Variants in TUT4 observed in about 807,000 individuals in gnomAD.
TUT4 encodes the protein terminal uridylyl transferase 4.
TUT4 carries 36 observed loss-of-function variants against 192.2 expected under a neutral mutation model. The observed-to-expected ratio is 0.19, with a 90% CI of 0.14 to 0.25. The LOEUF (loss-of-function observed/expected upper bound fraction) is 0.25. Among genes scored for constraint, TUT4 ranks in the 10% least tolerant of loss-of-function variants. The pLI, the probability that TUT4 is intolerant of heterozygous loss-of-function variation, is 1.00. For missense variants in TUT4, 1,493 were observed against 1,957.2 expected (o/e 0.76, Z 4.47); for synonymous variants, 618 against 666.0 (o/e 0.93, Z 1.11).
In TUT4 at chr1:52,444,973, ATATG is replaced by A. The variant is rs983963058; in HGVS notation, c.3822+810_3822+813del. Among the ~76,000 whole-genome samples, 1,397 of 149,688 alleles carry A rather than the reference ATATG, an allele frequency of 9.3e-3. 17 individuals are homozygous for A. The highest frequency in any genetic ancestry group is 0.033 in the African/African-American group (1,336 of 40,542). On this transcript the variant is annotated intron_variant, in intron 24 of 29. Coordinates refer to ENST00000257177, the MANE Select transcript of TUT4 (RefSeq NM_001009881.3). The stretch of plus-strand genomic sequence containing the variant: ...TGTGTATATACATGTATATACATGT[ATATG>A]TGTGTATATATATGTATATACATGT...
intron 24 of TUT4, among the ~76,000 whole-genome samples, chr1:52,438,741 C>T (rs1036903228): frequency 6.6e-6 from 1 of 152,130 alleles, no homozygotes; most frequent in Admixed American, 6.5e-5. Flanking sequence ...TCTGCTATAT[C>T]GGGCTACTTC....
intron 3 of TUT4, among the ~76,000 whole-genome samples, chr1:52,510,201 A>G (rs967597665): frequency 6.6e-6 from 1 of 151,182 alleles, no homozygotes; most frequent in African/African-American, 2.4e-5. Context: ...AATCCCAGCT[A>G]CTCTGGTGGC....
Position 52,481,651 on chromosome 1 carries a change from T to C in TUT4, c.1636-16A>G. On this transcript the variant is annotated splice_polypyrimidine_tract_variant and intron_variant, in intron 10 of 29. Transcript: ENST00000257177. Reference sequence around the variant, plus strand: ...AGCCTTCAATCTATATAAAAAGGCATTCCAAATTGGTAGTGGAAAAATTAT... The same window carrying C: ...AGCCTTCAATCTATATAAAAAGGCACTCCAAATTGGTAGTGGAAAAATTAT... The C allele has an allele frequency of 6.4e-7, 1 of 1,571,920 alleles. No homozygotes were observed.
intron 2 of TUT4, among the ~76,000 whole-genome samples, chr1:52,518,543 C>T (rs1323827654): frequency 6.6e-6 from 1 of 152,138 alleles, no homozygotes; most frequent in Non-Finnish European, 1.5e-5. Flanking sequence ...CACCTCAAAG[C>T]CCTGTTTCCA....
intron 20 of TUT4, among the ~76,000 whole-genome samples, chr1:52,455,630 A>AAAGG (rs1557703413): frequency 1.0e-5 from 1 of 96,638 alleles, no homozygotes; most frequent in Non-Finnish European, 1.9e-5. Context: ...AAAAAAAAAA[A>AAAGG]GACGGGGGAG....
chr1:52,505,370 G>A (rs940452711), intron 4 of TUT4, among the ~76,000 whole-genome samples: 5 of 147,604 alleles, frequency 3.4e-5, no homozygotes, highest in African/African-American at 1.3e-4. Flanking sequence ...CTTTGTAGAT[G>A]TCTTTATCAT....
intron 1 of TUT4, among the ~76,000 whole-genome samples, chr1:52,532,502 G>A (rs557403277): frequency 4.8e-4 from 73 of 151,920 alleles, no homozygotes; most frequent in African/African-American, 1.4e-3. Context: ...TATGGAGACA[G>A]GGTCTCACCA....
At position 52,472,101 on chromosome 1, in the gene TUT4, G is replaced by A. The variant is rs1304966111; in HGVS notation, c.2729C>T (p.Pro910Leu). Residue 910 changes from proline (P) to leucine (L), a missense_variant and splice_region_variant, in exon 14 of 30, where the codon CCA becomes CTA. Around this residue, in one of 7 missense-constraint regions of TUT4, gnomAD observed 59 missense variants for 114.3 expected, o/e 0.52. Transcript: ENST00000257177. Reference protein sequence around the residue: ...FDKFILTSGKPPTIVCSICKK... With the variant: ...FDKFILTSGKLPTIVCSICKK... ...GCAGATGCTGCATACTATCGTTGGTGGCTACACAAAGATAAAAAGAAATCT... is the reference window on the plus strand; with the variant it reads ...GCAGATGCTGCATACTATCGTTGGTAGCTACACAAAGATAAAAAGAAATCT... The A allele has an allele frequency of 1.2e-6, 2 of 1,612,058 alleles. No homozygotes were observed. Among genetic ancestry groups the A allele is most frequent in the Admixed American group, 3.3e-5 (2 of 59,760 alleles).
At chr1:52,521,047 G>C (rs1433183642) in intron 2 of TUT4, among the ~76,000 whole-genome samples, 1 of 152,050 alleles carries the variant, frequency 6.6e-6, no homozygotes, top group Admixed American at 6.6e-5. Flanking sequence ...GCCTGCCTCG[G>C]CCTCCCAAAG....
At chr1:52,426,005 CG>C (rs1474224624) in intron 28 of TUT4, among the ~76,000 whole-genome samples, 1 of 152,002 alleles carries the variant, frequency 6.6e-6, no homozygotes, top group African/African-American at 2.4e-5. Flanking sequence ...AGAGAAAAGG[CG>C]GGACAGGTAG....
At chr1:52,528,022 C>G (rs1682286202) in intron 1 of TUT4, among the ~76,000 whole-genome samples, 1 of 151,298 alleles carries the variant, frequency 6.6e-6, no homozygotes, top group Non-Finnish European at 1.5e-5. Context: ...ACTAAAAATA[C>G]AAAAATTAGC....
rs1428608989 is a variant in TUT4, at chr1:52,423,394, T to C, written c.*541A>G. ...ACAAGTATGGAAAAGAAAAAAAATC[T>C]GAATCTTCATGTTGTAATTTTATTT... On this transcript the variant is annotated 3_prime_UTR_variant, in exon 30 of 30. Transcript: ENST00000257177. 1 of 154,442 alleles carries C rather than the reference T, an allele frequency of 6.5e-6. No homozygotes were observed. The highest frequency in any genetic ancestry group is 1.4e-5 in the Non-Finnish European group (1 of 69,252). The allele number at this position is 154,442 out of a possible 1,614,324, so 9.6% of individuals were successfully genotyped here.
At chr1:52,541,161 AT>A (rs1686514758) in intron 1 of TUT4, among the ~76,000 whole-genome samples, 1 of 151,504 alleles carries the variant, frequency 6.6e-6, no homozygotes, top group African/African-American at 2.4e-5. Flanking sequence ...GTGAGCCAAG[AT>A]CACGCGACTG....
At chr1:52,464,236 C>G (rs757726115) in intron 16 of TUT4, among the ~76,000 whole-genome samples, 5 of 151,984 alleles carry the variant, frequency 3.3e-5, no homozygotes, top group Non-Finnish European at 7.4e-5. Flanking sequence ...TAAAAGCTAT[C>G]TTAGCATTTT....
At chr1:52,545,960 A>G (rs542505958) in intron 1 of TUT4, among the ~76,000 whole-genome samples, 1 of 142,772 alleles carries the variant, frequency 7.0e-6, no homozygotes, top group Non-Finnish European at 1.5e-5. Context: ...CATCTCTACA[A>G]AAATACAAAA....
intron 1 of TUT4, among the ~76,000 whole-genome samples, chr1:52,536,992 C>T (rs1159764426): frequency 1.3e-5 from 2 of 151,930 alleles, no homozygotes; most frequent in East Asian, 1.9e-4. Flanking sequence ...GGTGAAACCC[C>T]GTCTCTACTA....
intron 28 of TUT4, among the ~76,000 whole-genome samples, chr1:52,426,181 T>C (rs1400469666): frequency 6.6e-6 from 1 of 152,176 alleles, no homozygotes; most frequent in Non-Finnish European, 1.5e-5. Flanking sequence ...AACTTGGGCT[T>C]TGAGGCCAAA....
intron 4 of TUT4, among the ~76,000 whole-genome samples, chr1:52,502,609 CTTTTTTT>C (rs919559320): frequency 1.1e-4 from 9 of 82,130 alleles, no homozygotes; most frequent in Admixed American, 5.2e-4. Context: ...TCTTAGCCCT[CTTTTTTT>C]TTTTTTTTTT....
intron 1 of TUT4, among the ~76,000 whole-genome samples, chr1:52,549,161 A>G (rs923338682): frequency 1.3e-5 from 2 of 152,220 alleles, no homozygotes; most frequent in South Asian, 4.1e-4. Flanking sequence ...TAGGAAGCCA[A>G]GGAGAAAAAA....
Sources: allele counts gnomAD v4.1 joint callset (sites outside exome capture counted in the v4.1 genomes callset), GRCh38; gene constraint gnomAD v4.1.1; regional missense constraint gnomAD v4.1.1; transcripts MANE v1.5; gene names NCBI Gene and HGNC (gene_info 2026-07-23, HGNC 2026-07-21).